AGTPBP1: variants seen among roughly 807,000 people sequenced by gnomAD.
AGTPBP1 encodes cytosolic carboxypeptidase 1.
Under a neutral mutation model 143.9 loss-of-function variants are expected in AGTPBP1, and 70 were observed. The ratio of observed to expected loss-of-function variants is 0.49; its 90% CI spans 0.40 to 0.59. The LOEUF (loss-of-function observed/expected upper bound fraction) is 0.59. Ranked by LOEUF, AGTPBP1 falls within the 20% of genes least tolerant of loss-of-function variation. AGTPBP1 has a pLI of 0.00. For synonymous variants in AGTPBP1, 463 were observed against 500.2 expected, an observed-to-expected ratio of 0.93 and a Z score of 0.99; for missense variants, 1,229 against 1,464.5, an observed-to-expected ratio of 0.84 and a Z score of 2.62.
At chr9:85,685,171 A>C (rs994793310) in intron 3 of AGTPBP1, among the ~76,000 whole-genome samples, 2 of 151,964 alleles carry the variant, frequency 1.3e-5, no homozygotes, top group Non-Finnish European at 2.9e-5. Context: ...TTATACTTCC[A>C]CAAGACAAAT....
chr9:85,555,121 A>G (rs1826254415), intron 25 of AGTPBP1, among the ~76,000 whole-genome samples: 1 of 152,198 alleles, frequency 6.6e-6, no homozygotes. Context: ...TGAAGAGCTA[A>G]GGGTGGGGAA....
the AGTPBP1 span, among the ~76,000 whole-genome samples, chr9:85,760,779 G>T: frequency 2.6e-5 from 4 of 152,154 alleles, no homozygotes; most frequent in Non-Finnish European, 5.9e-5. Flanking sequence ...GGGCAATCAG[G>T]CAGGAGAAAG....
chr9:85,741,315 AGG>A, intron 1 of AGTPBP1: 1 of 985,304 alleles, frequency 1.0e-6, no homozygotes, highest in Non-Finnish European at 1.2e-6. Context: ...CTCGAAGCAC[AGG>A]GGCCCGCGAT....
chr9:85,664,058 C>G (rs1446947979), intron 8 of AGTPBP1, among the ~76,000 whole-genome samples: 1 of 152,018 alleles, frequency 6.6e-6, no homozygotes, highest in Non-Finnish European at 1.5e-5. Flanking sequence ...TCCACCCCAC[C>G]ACAAAAAAGA....
chr9:85,672,250 TTA>T (rs1834531858), intron 7 of AGTPBP1, among the ~76,000 whole-genome samples: 1 of 151,972 alleles, frequency 6.6e-6, no homozygotes, highest in Non-Finnish European at 1.5e-5. Flanking sequence ...TGTATTTTTA[TTA>T]GAGACAGAGT....
intron 8 of AGTPBP1, among the ~76,000 whole-genome samples, chr9:85,668,444 C>G (rs1479978268): frequency 6.7e-6 from 1 of 149,388 alleles, no homozygotes; most frequent in Non-Finnish European, 1.5e-5. Context: ...GCCTAGGCAA[C>G]AGAGAGAGAC....
chr9:85,762,174 G>A, the AGTPBP1 span, among the ~76,000 whole-genome samples: 1 of 152,070 alleles, frequency 6.6e-6, no homozygotes, highest in Admixed American at 6.6e-5. Context: ...CTGTTGGTGG[G>A]ACTGTAAACT....
the AGTPBP1 span, among the ~76,000 whole-genome samples, chr9:85,747,573 A>T: frequency 6.6e-6 from 1 of 152,278 alleles, no homozygotes; most frequent in Non-Finnish European, 1.5e-5. Context: ...TTTTTAGTGT[A>T]CCAGTAGTAT....
chr9:85,778,817 C>T, the AGTPBP1 span, among the ~76,000 whole-genome samples: 1 of 152,174 alleles, frequency 6.6e-6, no homozygotes, highest in Non-Finnish European at 1.5e-5. Flanking sequence ...AGTTTGTCCA[C>T]TGAACTGAGG....
intron 13 of AGTPBP1, among the ~76,000 whole-genome samples, chr9:85,636,982 C>T (rs1832101851): frequency 6.6e-6 from 1 of 151,446 alleles, no homozygotes; most frequent in South Asian, 2.1e-4. Context: ...ACATACCACC[C>T]AGCAAGTTCA....
Position 85,665,695 on chromosome 9 carries a change from C to T in AGTPBP1, c.662+3790G>A, listed in dbSNP as rs1435846876. On this transcript the variant is annotated intron_variant, in intron 8 of 25. Coordinates refer to ENST00000357081, the MANE Select transcript of AGTPBP1 (RefSeq NM_001330701.2). The stretch of plus-strand genomic sequence containing the variant: ...AAAGTACTTCTGACAGTTTCTAATC[C>T]TAAAATAGAACATTTTTTTCTGTTG... Among the ~76,000 whole-genome samples the T allele has an allele frequency of 5.9e-5, 9 of 152,064 alleles. 1 individual carries two copies. Among genetic ancestry groups the T allele is most frequent in the Non-Finnish European group, 1.3e-4 (9 of 68,006 alleles).
intron 20 of AGTPBP1, among the ~76,000 whole-genome samples, chr9:85,588,889 T>C (rs139030351): frequency 6.6e-5 from 10 of 152,246 alleles, no homozygotes; most frequent in Non-Finnish European, 1.3e-4. Flanking sequence ...TTACAGTTGC[T>C]CTGATAAGCA....
chr9:85,674,623 A>G (rs540334728), intron 6 of AGTPBP1, among the ~76,000 whole-genome samples: 1 of 152,154 alleles, frequency 6.6e-6, no homozygotes, highest in Non-Finnish European at 1.5e-5. Flanking sequence ...AAAATAAGAG[A>G]CAGCTAACAT....
chr9:85,565,361 A>T (rs1464620449), intron 25 of AGTPBP1, among the ~76,000 whole-genome samples: 1 of 152,210 alleles, frequency 6.6e-6, no homozygotes, highest in Non-Finnish European at 1.5e-5. Flanking sequence ...CACGATCCAC[A>T]CTGCAGACAG....
intron 25 of AGTPBP1, among the ~76,000 whole-genome samples, chr9:85,565,592 G>T (rs989157145): frequency 1.3e-5 from 2 of 152,122 alleles, no homozygotes; most frequent in Admixed American, 6.5e-5. Flanking sequence ...CTTAGTAAAA[G>T]GTAAGTGGTC....
chr9:85,572,136 C>A (rs1272568296), intron 25 of AGTPBP1, among the ~76,000 whole-genome samples: 1 of 150,052 alleles, frequency 6.7e-6, no homozygotes, highest in East Asian at 2.0e-4. Flanking sequence ...AAGCGATTCT[C>A]CTGCCTCAGC....
the AGTPBP1 span, among the ~76,000 whole-genome samples, chr9:85,781,768 T>G: frequency 6.6e-6 from 1 of 152,188 alleles, no homozygotes; most frequent in African/African-American, 2.4e-5. Context: ...TTTTTATATA[T>G]CATGACCCCT....
upstream of AGTPBP1, chr9:85,742,000 G>T (rs559905448): frequency 8.3e-6 from 10 of 1,210,262 alleles, no homozygotes; most frequent in South Asian, 3.6e-4. Context: ...CCCACCGCAC[G>T]CCTTGCCAGC....
chr9:85,657,184 T>C (rs75802060), intron 10 of AGTPBP1, among the ~76,000 whole-genome samples: 2,464 of 111,074 alleles, frequency 0.022, 25 homozygotes, highest in Middle Eastern at 0.079. Flanking sequence ...AGTATAATAA[T>C]AAAAAAAAAA....
Sources: gnomAD v4.1 joint callset for allele counts (sites outside exome capture counted in the v4.1 genomes callset) on GRCh38, gnomAD v4.1.1 for gene constraint, MANE v1.5 for transcripts, NCBI Gene and HGNC (gene_info 2026-07-23, HGNC 2026-07-21) for gene names.